PREX1: variants seen among roughly 807,000 people sequenced by gnomAD.
The protein encoded by PREX1 is phosphatidylinositol-3,4,5-trisphosphate dependent Rac exchange factor 1.
A neutral mutation model predicts 198.3 loss-of-function variants in PREX1; 41 were observed. The observed-to-expected ratio is 0.21, with a 90% CI of 0.16 to 0.27. PREX1 has a LOEUF of 0.27. Among genes scored for constraint, PREX1 ranks in the 10% least tolerant of loss-of-function variants. The probability of loss-of-function intolerance (pLI) is 1.00; values close to 1 mark genes in which losing one functional copy is unlikely to be tolerated. For missense variants in PREX1, 1,620 were observed against 2,200.7 expected (o/e 0.74, Z 5.28); for synonymous variants, 843 against 887.2 (o/e 0.95, Z 0.89).
At chr20:48,843,297 G>A in the PREX1 span, among the ~76,000 whole-genome samples, 1 of 152,188 alleles carries the variant, frequency 6.6e-6, no homozygotes, top group African/African-American at 2.4e-5. Flanking sequence ...TCCCAAGAGT[G>A]TAACTCAGAA....
At chr20:48,639,438 C>T (rs995933110) in intron 30 of PREX1, among the ~76,000 whole-genome samples, 2 of 152,334 alleles carry the variant, frequency 1.3e-5, no homozygotes, top group African/African-American at 2.4e-5. Context: ...GGAACTCACA[C>T]ATCCAATGCT....
At chr20:48,720,008 C>T (rs1244224506) in intron 5 of PREX1, among the ~76,000 whole-genome samples, 1 of 152,196 alleles carries the variant, frequency 6.6e-6, no homozygotes, top group Non-Finnish European at 1.5e-5. Flanking sequence ...TCTCCCTATC[C>T]TCTTCCTTTC....
chr20:48,707,908 G>A (rs6012517), intron 6 of PREX1, among the ~76,000 whole-genome samples: 8 of 151,820 alleles, frequency 5.3e-5, no homozygotes, highest in Non-Finnish European at 1.2e-4. Context: ...ACTAGAACCC[G>A]ACCCTTGACG....
chr20:48,765,651 T>G (rs146542082), intron 1 of PREX1, among the ~76,000 whole-genome samples: 171 of 152,298 alleles, frequency 1.1e-3, no homozygotes, highest in Middle Eastern at 6.8e-3. Flanking sequence ...CAGACCTAAG[T>G]GCAGGCCCCA....
intron 36 of PREX1, among the ~76,000 whole-genome samples, chr20:48,630,399 A>T (rs6063296): frequency 0.077 from 11,774 of 152,348 alleles, 551 homozygotes; most frequent in South Asian, 0.14. Context: ...GTTGACAGCA[A>T]ATTTGAAACA....
At chr20:48,880,308 T>C in the PREX1 span, among the ~76,000 whole-genome samples, 1 of 152,178 alleles carries the variant, frequency 6.6e-6, no homozygotes, top group Non-Finnish European at 1.5e-5. Flanking sequence ...CCGATTGGTA[T>C]TGTGTTCAGC....
chr20:48,728,562 T>G (rs2122707594), intron 4 of PREX1, among the ~76,000 whole-genome samples: 1 of 152,344 alleles, frequency 6.6e-6, no homozygotes, highest in African/African-American at 2.4e-5. Flanking sequence ...CTGCGGCAGC[T>G]GGGAGATGCC....
chr20:48,825,043 G>A (rs2090502637), intron 1 of PREX1, among the ~76,000 whole-genome samples: 1 of 152,202 alleles, frequency 6.6e-6, no homozygotes, highest in Non-Finnish European at 1.5e-5. Context: ...GAGAGAGTGG[G>A]AAGACAGAAG....
the PREX1 span, among the ~76,000 whole-genome samples, chr20:48,863,506 T>G: frequency 2.6e-5 from 4 of 151,706 alleles, no homozygotes; most frequent in Admixed American, 6.6e-5. Flanking sequence ...TTTGTTTTTT[T>G]TTTTTCTTTC....
intron 5 of PREX1, among the ~76,000 whole-genome samples, chr20:48,721,776 G>A (rs1450284725): frequency 1.3e-5 from 2 of 152,222 alleles, no homozygotes; most frequent in African/African-American, 2.4e-5. Flanking sequence ...GGCCGTGGCA[G>A]TGTCCCAGCA....
chr20:48,680,515 G>C (rs2089742713), intron 11 of PREX1, among the ~76,000 whole-genome samples: 1 of 152,100 alleles, frequency 6.6e-6, no homozygotes, highest in African/African-American at 2.4e-5. Context: ...TCTCCCATCA[G>C]CCCTGTGCCC....
chr20:48,792,853 C>CACACACACATAT (rs1256864071), intron 1 of PREX1, among the ~76,000 whole-genome samples: 7 of 145,306 alleles, frequency 4.8e-5, no homozygotes, highest in African/African-American at 1.8e-4. Context: ...CACACACACA[C>CACACACACATAT]ATAGTATGAT....
intron 7 of PREX1, among the ~76,000 whole-genome samples, chr20:48,697,571 TG>T (rs1261000735): frequency 1.3e-5 from 2 of 151,730 alleles, no homozygotes; most frequent in African/African-American, 2.4e-5. Context: ...TTAGTAGAGA[TG>T]GGGGGGTTTC....
intron 29 of PREX1, among the ~76,000 whole-genome samples, chr20:48,641,524 T>C (rs2089409930): frequency 6.6e-6 from 1 of 151,834 alleles, no homozygotes; most frequent in South Asian, 2.1e-4. Context: ...CAGTGGCTCA[T>C]ACCTGGAATC....
At chr20:48,793,753 A>C (rs2090348514) in intron 1 of PREX1, among the ~76,000 whole-genome samples, 1 of 152,232 alleles carries the variant, frequency 6.6e-6, no homozygotes, top group South Asian at 2.1e-4. Context: ...CGGGTCCCCA[A>C]GGACCCTACA....
chr20:48,680,437 A>T (rs2123017329), intron 11 of PREX1, among the ~76,000 whole-genome samples: 1 of 152,276 alleles, frequency 6.6e-6, no homozygotes, highest in East Asian at 1.9e-4. Context: ...CAACAGCTTC[A>T]TAGCTCACTC....
chr20:48,631,411 C>T (rs2089313484), intron 35 of PREX1, among the ~76,000 whole-genome samples: 1 of 152,222 alleles, frequency 6.6e-6, no homozygotes, highest in Admixed American at 6.5e-5. Context: ...CTTTGTTTTG[C>T]TCACTGCACA....
At chr20:48,763,016 T>C (rs138886915) in intron 1 of PREX1, among the ~76,000 whole-genome samples, 25 of 152,384 alleles carry the variant, frequency 1.6e-4, no homozygotes, top group African/African-American at 5.5e-4. Flanking sequence ...ATGAAGTTTC[T>C]TTCTGAAGTG....
chr20:48,649,932 G>A, intron 24 of PREX1, 64 bp downstream of exon 24: 1 of 1,567,336 alleles, frequency 6.4e-7, no homozygotes. Flanking sequence ...CTTCAGACAA[G>A]TTTTGGTTTA....
Sources: gnomAD v4.1 joint callset for allele counts (sites outside exome capture counted in the v4.1 genomes callset) on GRCh38, gnomAD v4.1.1 for gene constraint, MANE v1.5 for transcripts, NCBI Gene and HGNC (gene_info 2026-07-23, HGNC 2026-07-21) for gene names.